The following ERC2 variants were observed in gnomAD, a reference collection of about 807,000 sequenced individuals.
ERC2 encodes the protein ELKS/RAB6-interacting/CAST family member 2.
A neutral mutation model predicts 114.8 loss-of-function variants in ERC2; 42 were observed. The observed-to-expected ratio is 0.37, with a 90% confidence interval of 0.29 to 0.47. The LOEUF is 0.47. ERC2 is among the 20% of genes least tolerant of loss of function. ERC2 has a pLI of 0.99. For synonymous variants in ERC2, 454 were observed against 425.5 expected, an observed-to-expected ratio of 1.07 and a Z score of -0.82; for missense variants, 939 against 1,150.7, an observed-to-expected ratio of 0.82 and a Z score of 2.66.
chr3:55,870,052 A>C (rs1326105490), intron 14 of ERC2, among the ~76,000 whole-genome samples: 2 of 151,836 alleles, frequency 1.3e-5, no homozygotes, highest in Admixed American at 1.3e-4. Context: ...GAAATGATAA[A>C]GTTGTTATAG....
intron 2 of ERC2, among the ~76,000 whole-genome samples, chr3:56,331,307 C>A (rs954164976): frequency 6.6e-6 from 1 of 152,132 alleles, no homozygotes. Flanking sequence ...TTAGTAAGAA[C>A]CCCCTACTCT....
chr3:55,600,155 G>A (rs2058332009), intron 17 of ERC2, among the ~76,000 whole-genome samples: 1 of 152,148 alleles, frequency 6.6e-6, no homozygotes, highest in Non-Finnish European at 1.5e-5. Context: ...ATCTGTAAGG[G>A]ACAACATGAT....
rs146350488 is a variant in ERC2, at chr3:56,367,697, C to T, written c.657+66654G>A. Reference sequence around the variant, plus strand: ...GAAGAATCTATAATTCTTTTGAGTGCATTTGACTCAGGGTTACCAAACTTT... The same window carrying T: ...GAAGAATCTATAATTCTTTTGAGTGTATTTGACTCAGGGTTACCAAACTTT... On this transcript the variant is annotated intron_variant, in intron 2 of 17. Coordinates refer to ENST00000288221, the MANE Select transcript of ERC2 (RefSeq NM_015576.3). 1.1e-3 allele frequency among the ~76,000 whole-genome samples: 172 copies of T among 152,206 alleles called. 1 individual carries two copies. Among genetic ancestry groups the T allele is most frequent in the African/African-American group, 4.0e-3 (168 of 41,510 alleles).
chr3:55,740,452 T>C (rs114803020), intron 14 of ERC2, among the ~76,000 whole-genome samples: 2,887 of 152,246 alleles, frequency 0.019, 81 homozygotes, highest in African/African-American at 0.063. Flanking sequence ...AGATTATCTA[T>C]ATTTTGAAAC....
chr3:55,580,173 G>T (rs1470124529), intron 17 of ERC2, among the ~76,000 whole-genome samples: 2 of 151,876 alleles, frequency 1.3e-5, no homozygotes, highest in Non-Finnish European at 2.9e-5. Context: ...ACCAAAGTGG[G>T]TTTTGCCACC....
chr3:55,838,974 C>T (rs993766728), intron 14 of ERC2, among the ~76,000 whole-genome samples: 8 of 151,576 alleles, frequency 5.3e-5, no homozygotes, highest in Non-Finnish European at 1.0e-4. Context: ...AATTATAAAC[C>T]CACAGATCCA....
intron 3 of ERC2, among the ~76,000 whole-genome samples, chr3:56,239,979 A>G (rs367962318): frequency 8.0e-4 from 122 of 152,346 alleles, no homozygotes; most frequent in Middle Eastern, 3.4e-3. Flanking sequence ...TTATACAGAC[A>G]GGAAAGAGGG....
At chr3:55,802,886 C>T (rs1460239706) in intron 14 of ERC2, among the ~76,000 whole-genome samples, 2 of 152,200 alleles carry the variant, frequency 1.3e-5, no homozygotes, top group Non-Finnish European at 2.9e-5. Context: ...TCCAGCATCA[C>T]AGCCTGCAAG....
At chr3:56,098,304 C>CTTAAAAGCA (rs2078171908) in intron 6 of ERC2, among the ~76,000 whole-genome samples, 1 of 152,284 alleles carries the variant, frequency 6.6e-6, no homozygotes, top group South Asian at 2.1e-4. Context: ...AAGAAGCAGT[C>CTTAAAAGCA]ACCATCAACC....
chr3:56,434,085 T>C (rs2061912088), intron 2 of ERC2: 10 of 465,258 alleles, frequency 2.1e-5, no homozygotes, highest in Admixed American at 3.8e-5. Flanking sequence ...AGTACAAAAG[T>C]TAGGCAATGA....
intron 7 of ERC2, among the ~76,000 whole-genome samples, chr3:56,048,506 T>C (rs1053140791): frequency 4.6e-5 from 7 of 152,194 alleles, no homozygotes; most frequent in Non-Finnish European, 8.8e-5. Flanking sequence ...ACAGCTCTTC[T>C]GTAAGCATTT....
At chr3:55,704,737 A>G (rs2063394589) in intron 15 of ERC2, among the ~76,000 whole-genome samples, 1 of 152,232 alleles carries the variant, frequency 6.6e-6, no homozygotes, top group South Asian at 2.1e-4. Context: ...TGCAGAAGCT[A>G]TTAAAGGAAT....
chr3:56,352,111 T>C (rs1576553770), intron 2 of ERC2, among the ~76,000 whole-genome samples: 1 of 152,146 alleles, frequency 6.6e-6, no homozygotes, highest in East Asian at 1.9e-4. Flanking sequence ...TGGAAAGCCA[T>C]TCAAGATTCA....
At chr3:55,854,990 C>T (rs921411569) in intron 14 of ERC2, among the ~76,000 whole-genome samples, 3 of 152,128 alleles carry the variant, frequency 2.0e-5, no homozygotes, top group Non-Finnish European at 2.9e-5. Context: ...GCCAAAAGCA[C>T]GATGCTCAAA....
intron 7 of ERC2, among the ~76,000 whole-genome samples, chr3:56,051,565 A>G (rs903159302): frequency 6.6e-6 from 1 of 152,140 alleles, no homozygotes; most frequent in African/African-American, 2.4e-5. Flanking sequence ...TTCAACATCA[A>G]TCTTGAGAAC....
intron 17 of ERC2, among the ~76,000 whole-genome samples, chr3:55,672,714 C>T (rs1284028133): frequency 1.3e-5 from 2 of 152,282 alleles, no homozygotes; most frequent in African/African-American, 4.8e-5. Context: ...AGGCAGAAAG[C>T]CACTGTGCTG....
chr3:56,139,946 G>A (rs1372554950), intron 5 of ERC2, among the ~76,000 whole-genome samples: 1 of 152,088 alleles, frequency 6.6e-6, no homozygotes, highest in African/African-American at 2.4e-5. Context: ...ATTTCACAAT[G>A]GAATGAAGCC....
intron 17 of ERC2, among the ~76,000 whole-genome samples, chr3:55,663,251 A>C (rs1467227633): frequency 6.6e-6 from 1 of 152,226 alleles, no homozygotes; most frequent in Non-Finnish European, 1.5e-5. Flanking sequence ...TAAAAACTAA[A>C]TCCTAACCCT....
At chr3:56,119,878 C>G (rs2079473828) in intron 6 of ERC2, among the ~76,000 whole-genome samples, 1 of 152,164 alleles carries the variant, frequency 6.6e-6, no homozygotes, top group Non-Finnish European at 1.5e-5. Flanking sequence ...AAGCCTTGCT[C>G]TTAAATAGAA....
Sources: gnomAD v4.1 joint callset for allele counts (sites outside exome capture counted in the v4.1 genomes callset) on GRCh38, gnomAD v4.1.1 for gene constraint, MANE v1.5 for transcripts, NCBI Gene and HGNC (gene_info 2026-07-23, HGNC 2026-07-21) for gene names.